The following CDH24 variants were observed in gnomAD, a reference collection of about 807,000 sequenced individuals.
The protein encoded by CDH24 is cadherin 24.
Under a neutral mutation model 71.2 loss-of-function variants are expected in CDH24, and 61 were observed. The observed-to-expected ratio is 0.86, with a 90% CI of 0.70 to 1.06. The LOEUF is 1.06. CDH24 is among the 50% of genes least tolerant of loss of function. The pLI is 0.00. For synonymous variants in CDH24, 440 were observed against 470.2 expected (o/e 0.94, Z 0.83); for missense variants, 961 against 1,083.7 (o/e 0.89, Z 1.59).
Position 23,047,912 on chromosome 14 carries a change from G to A in CDH24, c.*68C>T, listed in dbSNP as rs2047052258. The A allele has an allele frequency of 1.7e-6, 2 of 1,204,638 alleles. No homozygotes were observed. Among genetic ancestry groups the A allele is most frequent in the South Asian group, 2.7e-5 (1 of 37,190 alleles). 74.6% of individuals were successfully genotyped at this position (1,204,638 alleles called of 1,614,324 possible). A position where few individuals can be genotyped will look rare whatever the true frequency, so the allele number is the denominator to read the frequency against. On this transcript the variant is annotated 3_prime_UTR_variant, in exon 12 of 13. Coordinates refer to ENST00000487137, the MANE Select transcript of CDH24 (RefSeq NM_144985.4). Reference sequence around the variant, plus strand: ...GGCTGCTGCCGCCCGCCTGGACCCCGTGGGGCTCACTCAGAGGGCCTGTGC... The same window carrying A: ...GGCTGCTGCCGCCCGCCTGGACCCCATGGGGCTCACTCAGAGGGCCTGTGC...
rs2047125946 is a variant in CDH24, at chr14:23,055,863, G to A, written c.-124-6C>T. Reference sequence around the variant, plus strand: ...GCTACCCCATGGATCCACACCTGCAGGACAAGCAGCTGCTCAGGCTCAAGG... The same window carrying A: ...GCTACCCCATGGATCCACACCTGCAAGACAAGCAGCTGCTCAGGCTCAAGG... On this transcript the variant is annotated splice_polypyrimidine_tract_variant and splice_region_variant and intron_variant, in intron 1 of 12. Transcript: ENST00000487137. This position sits in a 1 kb window ranked among gnomAD's most constrained non-coding sequence, Gnocchi z 4.1. 1 of 744,032 alleles carries A rather than the reference G, an allele frequency of 1.3e-6. No individual in the cohort carries two copies. Among genetic ancestry groups the A allele is most frequent in the Non-Finnish European group, 2.1e-6 (1 of 467,954 alleles). 46.1% of individuals were successfully genotyped at this position (744,032 alleles called of 1,614,324 possible).
In CDH24 at chr14:23,048,141, C is replaced by A. The variant is rs759808863; in HGVS notation, c.2185G>T (p.Gly729Cys). 15 of 1,392,592 alleles carry A rather than the reference C, an allele frequency of 1.1e-5. No homozygotes were observed. Among genetic ancestry groups the A allele is most frequent in the Non-Finnish European group, 1.3e-5 (14 of 1,074,996 alleles). The allele number at this position is 1,392,592 out of a possible 1,614,324, so 86.3% of individuals were successfully genotyped here. A position where few individuals can be genotyped will look rare whatever the true frequency, so the allele number is the denominator to read the frequency against. The change falls in exon 12 of 13, where the codon GGC (glycine) becomes TGC (cysteine). Residue 729 changes from glycine (G) to cysteine (C), a missense_variant. Transcript: ENST00000487137. ...CAAGAGGAGCCGCGGCCCTCGTAGC[C>A]GTACACCTGCACCGAGTCGTACGGG... ...VPPYDSVQVY[G>C]YEGRGSSCGS...
chr14:23,049,556 TG>T, intron 10 of CDH24, 70 bp downstream of exon 10: 1 of 955,272 alleles, frequency 1.0e-6, no homozygotes, highest in Non-Finnish European at 1.6e-6. Context: ...TCAGGCAGGC[TG>T]GGCTAGGGGT....
Position 23,052,599 on chromosome 14 carries a change from G to A in CDH24, c.1237C>T (p.Leu413Phe), listed in dbSNP as rs1470709160. Reference protein sequence around the residue: ...SPASPIRYSILPHSDPERCFS... With the variant: ...SPASPIRYSIFPHSDPERCFS... ...CAACGCTCCGGATCTGAGTGGGGGA[G>A]GATGGAGTATCTGGGGAAGGGAGAG... The change falls in exon 8 of 13, where the codon CTC becomes TTC. Residue 413 changes from leucine to phenylalanine, a missense_variant. Physicochemically the swap from Leu to Phe is conservative, Grantham distance 22. Around this residue, in one of 2 missense-constraint regions of CDH24, gnomAD observed 671 missense variants for 810.9 expected, o/e 0.83. Coordinates refer to ENST00000487137, the MANE Select transcript of CDH24 (RefSeq NM_144985.4). 6.2e-7 allele frequency: 1 copy of A among 1,613,746 alleles called. No homozygotes were observed. Among genetic ancestry groups the A allele is most frequent in the Non-Finnish European group, 8.5e-7 (1 of 1,179,866 alleles).
In CDH24 at chr14:23,048,405, G is replaced by A. The variant is rs1440412495; in HGVS notation, c.1921C>T (p.Arg641Ter). The A allele has an allele frequency of 1.9e-6, 3 of 1,612,296 alleles. No homozygotes were observed. Among genetic ancestry groups the A allele is most frequent in the Non-Finnish European group, 2.5e-6 (3 of 1,179,634 alleles). ...ALMVLEEEDV[R>*]ENIITYDDEG... ...TCGTCGTAGGTGATGATGTTCTCTC[G>A]GACGTCCTCCTCCTCCAGTACCATC... The change falls in exon 12 of 13, where the codon CGA becomes TGA. Residue 641 changes from arginine to a stop codon, truncating the protein, a stop_gained. Coordinates refer to ENST00000487137, the MANE Select transcript of CDH24 (RefSeq NM_144985.4). LOFTEE classifies it high-confidence loss of function.
At chr14:23,052,308 A>G (rs1372302630) in intron 8 of CDH24, 165 bp downstream of exon 8, 1 of 834,326 alleles carries the variant, frequency 1.2e-6, no homozygotes, top group Non-Finnish European at 2.0e-6. Context: ...ACCCAGATCC[A>G]GGCTAGGACT....
Position 23,055,963 on chromosome 14 carries a change from C to A in CDH24, c.-124-106G>T. 1 of 536,136 alleles carries A rather than the reference C, an allele frequency of 1.9e-6. No individual in the cohort carries two copies. 33.2% of individuals were successfully genotyped at this position (536,136 alleles called of 1,614,324 possible). A position where few individuals can be genotyped will look rare whatever the true frequency, so the allele number is the denominator to read the frequency against. On this transcript the variant is annotated intron_variant, in intron 1 of 12. Coordinates refer to ENST00000487137, the MANE Select transcript of CDH24 (RefSeq NM_144985.4). This position sits in a 1 kb window ranked among gnomAD's most constrained non-coding sequence, Gnocchi z 4.1. ...TCCAAGGAACCAGACACTCCACTGCCCAGAACTCAGACTAAGACAGAGAGC... is the reference window on the plus strand; with the variant it reads ...TCCAAGGAACCAGACACTCCACTGCACAGAACTCAGACTAAGACAGAGAGC...
At position 23,054,660 on chromosome 14, in the gene CDH24, T is replaced by G. The variant is rs746652996; in HGVS notation, c.630A>C (p.Thr210=). The G allele has an allele frequency of 6.2e-7, 1 of 1,613,974 alleles. No homozygotes were observed. Among genetic ancestry groups the G allele is most frequent in the East Asian group, 2.2e-5 (1 of 44,858 alleles). The stretch of plus-strand genomic sequence containing the variant: ...TCTCCCGGTCCATGTTGGGGATGGC[T>G]GTACGCACCACTCCTAGGGAGAGAT... ...SVDPQTGVVR[T]AIPNMDRETQ... is the part of the protein sequence containing the mutation. Residue 210 remains threonine, a synonymous_variant, in exon 5 of 13, where the codon ACA becomes ACC. Coordinates refer to ENST00000487137, the MANE Select transcript of CDH24 (RefSeq NM_144985.4). The surrounding 1 kb of genome is among the most constrained non-coding windows in gnomAD (Gnocchi z 5.2).
At position 23,047,983 on chromosome 14, in the gene CDH24, G is replaced by A; in HGVS notation, c.2343C>T (p.Pro781=). The A allele has an allele frequency of 3.0e-6, 4 of 1,345,734 alleles. No homozygotes were observed. Among genetic ancestry groups the A allele is most frequent in the Non-Finnish European group, 2.8e-6 (3 of 1,053,626 alleles). 83.4% of individuals were successfully genotyped at this position (1,345,734 alleles called of 1,614,324 possible). ...ELYGAKEPPA[P] ...TGGGCCGGGCCAGCCCGGGCGCTCA[G>A]GGGGCCGGGGGCTCCTTGGCCCCAT... is the stretch of plus-strand genomic sequence containing the variant. The change falls in exon 12 of 13, where the codon CCC becomes CCT. Residue 781 remains proline, a synonymous_variant. Transcript: ENST00000487137.
Position 23,049,073 on chromosome 14 carries a change from G to A in CDH24, c.1800C>T (p.Ser600=), listed in dbSNP as rs1401625624. 6.2e-7 allele frequency: 1 copy of A among 1,612,674 alleles called. No homozygotes were observed. Among genetic ancestry groups the A allele is most frequent in the Non-Finnish European group, 8.5e-7 (1 of 1,179,832 alleles). The change falls in exon 11 of 13, where the codon AGC becomes AGT. Residue 600 remains serine (S), a synonymous_variant. Coordinates refer to ENST00000487137, the MANE Select transcript of CDH24 (RefSeq NM_144985.4). The stretch of plus-strand genomic sequence containing the variant: ...TGATGATGGCAAGCAGGGCGCCGGT[G>A]CTGAGCCCAGCAGCTGAGAGGTGAG... ...PEAHLSAAGL[S]TGALLAIITC...
At chr14:23,050,716 T>G (rs543764739) in intron 8 of CDH24, among the ~76,000 whole-genome samples, 19 of 152,332 alleles carry the variant, frequency 1.2e-4, no homozygotes, top group African/African-American at 4.6e-4. Context: ...ACCTTGCTTC[T>G]CACTGCCAGT....
rs2047053839 is a variant in CDH24 at position 23,048,020 on chromosome 14, A to T, written c.2306T>A (p.Leu769Gln). 2.8e-6 allele frequency: 4 copies of T among 1,434,962 alleles called. No individual in the cohort carries two copies. In the East Asian group the frequency reaches 9.6e-5, roughly 34 times the overall value. The allele number at this position is 1,434,962 out of a possible 1,614,324, so 88.9% of individuals were successfully genotyped here. A position where few individuals can be genotyped will look rare whatever the true frequency, so the allele number is the denominator to read the frequency against. The change falls in exon 12 of 13, where the codon CTG (leucine) becomes CAG (glutamine). Residue 769 changes from leucine (L) to glutamine (Q), a missense_variant. By Grantham distance (113) the Leu-to-Gln change is moderately radical. This residue lies in a region of CDH24 where 290 missense variants were observed against 272.8 expected (regional missense o/e 1.06). Transcript: ENST00000487137. The stretch of plus-strand genomic sequence containing the variant: ...CTCCTTGGCCCCATACAGCTCGGCC[A>T]GGGTGCGGAAGAGCGGACCCCAGTC... Reference protein sequence around the residue: ...LDDWGPLFRTLAELYGAKEPP... With the variant: ...LDDWGPLFRTQAELYGAKEPP...
At position 23,054,854 on chromosome 14, in the gene CDH24, A is replaced by C; in HGVS notation, c.509T>G (p.Ile170Ser). The C allele has an allele frequency of 6.2e-7, 1 of 1,613,234 alleles. No individual in the cohort carries two copies. ...PEMSNVGTSV[I>S]QVTAHDADDP... ...ATCAGCATCGTGAGCAGTCACCTGG[A>C]TCACTGATGTCCCTGTGGGGGATGC... The change falls in exon 4 of 13, where the codon ATC becomes AGC. Residue 170 changes from isoleucine to serine, a missense_variant. Physicochemically the swap from Ile to Ser is moderately radical, Grantham distance 142. Around this residue, in one of 2 missense-constraint regions of CDH24, gnomAD observed 671 missense variants for 810.9 expected, o/e 0.83. Coordinates refer to ENST00000487137, the MANE Select transcript of CDH24 (RefSeq NM_144985.4). The surrounding 1 kb of genome is among the most constrained non-coding windows in gnomAD (Gnocchi z 5.2).
chr14:23,048,072 CG>C lies in CDH24; in HGVS notation c.2253del (p.Ala752ProfsTer51), dbSNP rs1242449112. 3 of 1,422,728 alleles carry C rather than the reference CG, an allele frequency of 2.1e-6. No homozygotes were observed. Among genetic ancestry groups the C allele is most frequent in the Non-Finnish European group, 2.7e-6 (3 of 1,094,026 alleles). 88.1% of individuals were successfully genotyped at this position (1,422,728 alleles called of 1,614,324 possible). On this transcript the variant is annotated frameshift_variant, in exon 12 of 13. Transcript: ENST00000487137. LOFTEE classifies it high-confidence loss of function. ...TCCAGCGGCTCCGCGGGGCCGGGGG[CG>C]CCGCCGGCTTCGCTGCCGGAGCCCA... ...SSLGSGSEAGGAPGPAEPLDD... is the reference protein window; with the variant it reads ...SSLGSGSEAGXAPGPAEPLDD...
In CDH24 at chr14:23,054,117, A is replaced by C; in HGVS notation, c.972+24T>G. On this transcript the variant is annotated intron_variant, in intron 6 of 12. Transcript: ENST00000487137. This position sits in a 1 kb window ranked among gnomAD's most constrained non-coding sequence, Gnocchi z 5.2. ...TCGGCAGGAGGCAGGTCTAAGAGAA[A>C]GCATTAACAGGCAGGAGGCTAACCT... 6.4e-7 allele frequency: 1 copy of C among 1,564,582 alleles called. No individual in the cohort carries two copies. Among genetic ancestry groups the C allele is most frequent in the Non-Finnish European group, 8.7e-7 (1 of 1,151,530 alleles).
In CDH24 at chr14:23,048,040, C is replaced by T. The variant is rs1382777085; in HGVS notation, c.2286G>A (p.Trp762Ter). 3 of 1,448,822 alleles carry T rather than the reference C, an allele frequency of 2.1e-6. No homozygotes were observed. The highest frequency in any genetic ancestry group is 1.5e-5 in the African/African-American group (1 of 67,104). 89.7% of individuals were successfully genotyped at this position (1,448,822 alleles called of 1,614,324 possible). A position where few individuals can be genotyped will look rare whatever the true frequency, so the allele number is the denominator to read the frequency against. ...APGPAEPLDD[W>*]GPLFRTLAEL... is the part of the protein sequence containing the mutation. ...CGGCCAGGGTGCGGAAGAGCGGACC[C>T]CAGTCGTCCAGCGGCTCCGCGGGGC... The change falls in exon 12 of 13, where the codon TGG (tryptophan) becomes TGA (stop). Residue 762 changes from tryptophan (W) to a stop codon, truncating the protein, a stop_gained. Coordinates refer to ENST00000487137, the MANE Select transcript of CDH24 (RefSeq NM_144985.4). LOFTEE classifies it high-confidence loss of function.
At chr14:23,050,534 T>C (rs867484561) in intron 8 of CDH24, among the ~76,000 whole-genome samples, 5 of 105,010 alleles carry the variant, frequency 4.8e-5, no homozygotes, top group African/African-American at 2.2e-4. Flanking sequence ...CACACACACA[T>C]CCCATCAGAG....
In CDH24 at chr14:23,051,107, C is replaced by T. The variant is rs188380286; in HGVS notation, c.1364-1164G>A. 6.6e-6 allele frequency among the ~76,000 whole-genome samples: 1 copy of T among 152,134 alleles called. No homozygotes were observed. The highest frequency in any genetic ancestry group is 6.5e-5 in the Admixed American group (1 of 15,284). On this transcript the variant is annotated intron_variant, in intron 8 of 12. Coordinates refer to ENST00000487137, the MANE Select transcript of CDH24 (RefSeq NM_144985.4). The surrounding 1 kb of genome is among the most constrained non-coding windows in gnomAD (Gnocchi z 4.4). ...GTGTACACGGACACACACGGCCATC[C>T]ACACAGACATCCATGCACTAACAGA...
chr14:23,053,660 G>A lies in CDH24; in HGVS notation c.1062C>T (p.Pro354=), dbSNP rs750745464. 8 of 1,613,906 alleles carry A rather than the reference G, an allele frequency of 5.0e-6. No individual in the cohort carries two copies. The highest frequency in any genetic ancestry group is 1.1e-5 in the South Asian group (1 of 91,092). The stretch of plus-strand genomic sequence containing the variant: ...CACGCACAGAGGCCACATCCTTGAA[G>A]GGCCCTCGCCGCAGATAGGCTGGGT... ...LIDPAYLRRG[P]FKDVASVRVA... is the part of the protein sequence containing the mutation. The change falls in exon 7 of 13, where the codon CCC becomes CCT. Residue 354 remains proline (P), a synonymous_variant. Transcript: ENST00000487137.
Sources: gnomAD v4.1 joint callset for allele counts (sites outside exome capture counted in the v4.1 genomes callset) on GRCh38, gnomAD v4.1.1 for gene constraint, gnomAD v4.1.1 regional missense constraint, Gnocchi (gnomAD v3.1) non-coding constraint, MANE v1.5 for transcripts, NCBI Gene and HGNC (gene_info 2026-07-23, HGNC 2026-07-21) for gene names.